Variants in SLC5A8 observed in about 807,000 individuals in gnomAD.
SLC5A8 encodes the protein solute carrier family 5 member 8, also known as sodium-coupled monocarboxylate transporter 1.
In SLC5A8, 55 loss-of-function variants were observed where a neutral mutation model predicts 71.9. The observed-to-expected ratio is 0.77, with a 90% CI of 0.62 to 0.96. SLC5A8 has a LOEUF of 0.96. SLC5A8 is among the 40% of genes least tolerant of loss of function. SLC5A8 has a pLI of 0.00. For missense variants in SLC5A8, 701 were observed against 745.3 expected, an observed-to-expected ratio of 0.94 and a Z score of 0.69; for synonymous variants, 307 against 276.1, an observed-to-expected ratio of 1.11 and a Z score of -1.11.
At chr12:101,184,585 C>T (rs1868540489) in intron 7 of SLC5A8, among the ~76,000 whole-genome samples, 1 of 152,082 alleles carries the variant, frequency 6.6e-6, no homozygotes, top group Non-Finnish European at 1.5e-5. Flanking sequence ...ATAATAAATG[C>T]TCAAAACAAA....
chr12:101,202,360 G>A (rs1869493013), intron 2 of SLC5A8, 145 bp from the exon 3 acceptor site: 1 of 728,374 alleles, frequency 1.4e-6, no homozygotes, highest in Admixed American at 3.6e-5. Context: ...AAATTTGTTT[G>A]TAACTTGCAA....
At chr12:101,179,132 G>T (rs989957999) in intron 10 of SLC5A8, among the ~76,000 whole-genome samples, 3 of 151,996 alleles carry the variant, frequency 2.0e-5, no homozygotes, top group Non-Finnish European at 4.4e-5. Context: ...TATCAGAATG[G>T]CTAATATAAA....
At chr12:101,188,768 T>C (rs993216542) in intron 6 of SLC5A8, among the ~76,000 whole-genome samples, 1 of 152,266 alleles carries the variant, frequency 6.6e-6, no homozygotes, top group African/African-American at 2.4e-5. Context: ...TTGACTAACA[T>C]TGCAGTATGT....
rs1263177519 is a variant in SLC5A8 at position 101,157,118 on chromosome 12, G to A, written c.*161C>T. On this transcript the variant is annotated 3_prime_UTR_variant, in exon 15 of 15. Coordinates refer to ENST00000536262, the MANE Select transcript of SLC5A8 (RefSeq NM_145913.5). ...CTCCAGAGTAACATCAATTAATGATGTAGTAAATGAAGATAGTCCAGACTT... is the reference window on the plus strand; with the variant it reads ...CTCCAGAGTAACATCAATTAATGATATAGTAAATGAAGATAGTCCAGACTT... 4.5e-6 allele frequency: 3 copies of A among 667,858 alleles called. No individual in the cohort carries two copies. Among genetic ancestry groups the A allele is most frequent in the Admixed American group, 5.6e-5 (2 of 35,766 alleles). The allele number at this position is 667,858 out of a possible 1,614,324, so 41.4% of individuals were successfully genotyped here.
intron 12 of SLC5A8, among the ~76,000 whole-genome samples, chr12:101,165,745 G>T (rs749985002): frequency 2.6e-5 from 4 of 152,092 alleles, no homozygotes; most frequent in Admixed American, 6.6e-5. Flanking sequence ...TGACCCCAAA[G>T]GTATGACTAT....
intron 1 of SLC5A8, among the ~76,000 whole-genome samples, chr12:101,206,839 G>T (rs574957456): frequency 6.6e-6 from 1 of 152,238 alleles, no homozygotes; most frequent in African/African-American, 2.4e-5. Flanking sequence ...GATTAAATTG[G>T]ATTCCTGCAT....
Position 101,182,847 on chromosome 12 carries a change from C to A in SLC5A8, c.1121G>T (p.Arg374Ile). ...AGACAGAGACCTTTCTGAGAGCGAT[C>A]TGAAGTAAGGTTTGATTAGATCTTC... ...TVEDLIKPYFRSLSERSLSWI... is the reference protein window; with the variant it reads ...TVEDLIKPYFISLSERSLSWI... The change falls in exon 9 of 15, where the codon AGA becomes ATA. Residue 374 changes from arginine to isoleucine, a missense_variant. By Grantham distance (97) the Arg-to-Ile change is moderately conservative. Transcript: ENST00000536262. The A allele has an allele frequency of 6.3e-7, 1 of 1,596,028 alleles. No individual in the cohort carries two copies. The highest frequency in any genetic ancestry group is 8.5e-7 in the Non-Finnish European group (1 of 1,173,544).
rs1566313480 is a variant in SLC5A8 at position 101,180,015 on chromosome 12, G to C, written c.1233+14C>G. 3 of 1,613,826 alleles carry C rather than the reference G, an allele frequency of 1.9e-6. No individual in the cohort carries two copies. Among genetic ancestry groups the C allele is most frequent in the Non-Finnish European group, 2.5e-6 (3 of 1,179,834 alleles). ...AGTGATTTATGACTTAAACCTCCAG[G>C]GGCCAGCTCTCACCTGCAACAAAGC... is the stretch of plus-strand genomic sequence containing the variant. On this transcript the variant is annotated intron_variant, in intron 10 of 14. Transcript: ENST00000536262.
intron 10 of SLC5A8, among the ~76,000 whole-genome samples, chr12:101,177,964 TTATG>T (rs1227232373): frequency 4.6e-5 from 7 of 152,270 alleles, no homozygotes; most frequent in Non-Finnish European, 1.0e-4. Context: ...ACAAGACTGT[TTATG>T]TAGAATATCT....
At chr12:101,194,569 G>A (rs999853904) in intron 4 of SLC5A8, among the ~76,000 whole-genome samples, 2 of 152,130 alleles carry the variant, frequency 1.3e-5, no homozygotes, top group African/African-American at 4.8e-5. Flanking sequence ...GGGCTCAGGC[G>A]ATCCTCCCAC....
At chr12:101,199,000 T>C (rs1470884076) in intron 3 of SLC5A8, among the ~76,000 whole-genome samples, 2 of 151,822 alleles carry the variant, frequency 1.3e-5, no homozygotes, top group East Asian at 1.9e-4. Flanking sequence ...ATAAACAACA[T>C]GAAAATCCTA....
intron 5 of SLC5A8, 131 bp from the exon 6 acceptor site, chr12:101,190,739 T>TG: frequency 3.2e-6 from 2 of 628,186 alleles, no homozygotes; most frequent in Non-Finnish European, 4.7e-6. Flanking sequence ...TAAAAATTTA[T>TG]TAATTAATTT....
chr12:101,194,925 G>A (rs1869097186), intron 4 of SLC5A8, among the ~76,000 whole-genome samples, 170 bp downstream of exon 4: 2 of 152,150 alleles, frequency 1.3e-5, no homozygotes, highest in Admixed American at 1.3e-4. Flanking sequence ...TTTCTACAAA[G>A]GATCAAATTA....
chr12:101,167,091 C>G (rs552181970), intron 11 of SLC5A8, among the ~76,000 whole-genome samples: 1 of 152,122 alleles, frequency 6.6e-6, no homozygotes, highest in African/African-American at 2.4e-5. Context: ...ACAGCTCTTC[C>G]GGAGGAAATA....
At chr12:101,162,792 G>T (rs1323039942) in intron 12 of SLC5A8, among the ~76,000 whole-genome samples, 1 of 152,024 alleles carries the variant, frequency 6.6e-6, no homozygotes, top group Non-Finnish European at 1.5e-5. Flanking sequence ...AACCTGCACA[G>T]GTATCTAAAA....
rs767774459 is a variant in SLC5A8 at position 101,184,145 on chromosome 12, A to G, written c.1041T>C (p.Ser347=). The G allele has an allele frequency of 5.6e-6, 9 of 1,613,984 alleles. No individual in the cohort carries two copies. The South Asian group carries it at 9.9e-5, about 18-fold the overall frequency. Residue 347 remains serine (S), a synonymous_variant, in exon 8 of 15, where the codon AGT becomes AGC. Coordinates refer to ENST00000536262, the MANE Select transcript of SLC5A8 (RefSeq NM_145913.5). ...GTCATAGTTCATACCTTAATGTCCCACTGTAAGCACAGGCCACAAAAAGTC... is the reference window on the plus strand; with the variant it reads ...GTCATAGTTCATACCTTAATGTCCCGCTGTAAGCACAGGCCACAAAAAGTC... The part of the protein sequence containing the change: ...LPGLFVACAY[S]GTLSTVSSSI...
chr12:101,158,951 CAAAAAA>C (rs34838052), intron 13 of SLC5A8, among the ~76,000 whole-genome samples: 3 of 116,668 alleles, frequency 2.6e-5, no homozygotes, highest in East Asian at 2.3e-4. Flanking sequence ...GTTTTCTTTA[CAAAAAA>C]AAAAAAAAAA....
At chr12:101,173,977 G>A (rs2051855663) in intron 10 of SLC5A8, among the ~76,000 whole-genome samples, 1 of 152,128 alleles carries the variant, frequency 6.6e-6, no homozygotes, top group Non-Finnish European at 1.5e-5. Context: ...GTGGTCTTAA[G>A]AATAATTTTG....
intron 9 of SLC5A8, among the ~76,000 whole-genome samples, chr12:101,182,274 A>G (rs1868402507): frequency 1.3e-5 from 2 of 152,200 alleles, no homozygotes; most frequent in South Asian, 2.1e-4. Context: ...CTGTTTCTTT[A>G]TCTTCAATTC....
Sources: allele counts gnomAD v4.1 joint callset (sites outside exome capture counted in the v4.1 genomes callset), GRCh38; gene constraint gnomAD v4.1.1; transcripts MANE v1.5; gene names NCBI Gene and HGNC (gene_info 2026-07-23, HGNC 2026-07-21).